Variants in TYW1B observed in about 807,000 individuals in gnomAD.
TYW1B encodes the protein S-adenosyl-L-methionine-dependent tRNA 4-demethylwyosine synthase TYW1B.
TYW1B carries 73 observed loss-of-function variants against 86.9 expected under a neutral mutation model. The observed-to-expected ratio is 0.84, with a 90% CI of 0.70 to 1.02. The LOEUF (loss-of-function observed/expected upper bound fraction) is 1.02, where lower values mean the gene tolerates loss of function less well. Ranked by LOEUF, TYW1B falls within the 50% of genes least tolerant of loss-of-function variation. The pLI, the probability that TYW1B is intolerant of heterozygous loss-of-function variation, is 0.00. For missense variants in TYW1B, 637 were observed against 827.4 expected, an observed-to-expected ratio of 0.77 and a Z score of 2.82; for synonymous variants, 248 against 292.8, an observed-to-expected ratio of 0.85 and a Z score of 1.56.
chr7:72,761,590 C>CAA (rs35579702), intron 7 of TYW1B, among the ~76,000 whole-genome samples: 177 of 139,928 alleles, frequency 1.3e-3, no homozygotes, highest in East Asian at 1.9e-3. Flanking sequence ...GACCCTGTCT[C>CAA]AAAAAAAAAA....
chr7:72,711,986 A>G (rs1786677627), intron 10 of TYW1B, among the ~76,000 whole-genome samples: 1 of 152,136 alleles, frequency 6.6e-6, no homozygotes, highest in South Asian at 2.1e-4. Context: ...TAATCGGGGA[A>G]AACACCAATA....
At chr7:72,665,738 A>G (rs577191086) in intron 11 of TYW1B, among the ~76,000 whole-genome samples, 1 of 152,290 alleles carries the variant, frequency 6.6e-6, no homozygotes, top group African/African-American at 2.4e-5. Flanking sequence ...TGTCTCTCCT[A>G]TCAGAAAACA....
chr7:72,768,283 T>C (rs1171934754), intron 7 of TYW1B, among the ~76,000 whole-genome samples: 2 of 150,916 alleles, frequency 1.3e-5, no homozygotes, highest in Admixed American at 6.6e-5. Flanking sequence ...TCCATACAGG[T>C]TGCTTAGGAG....
At chr7:72,663,487 G>A (rs1373455705) in intron 11 of TYW1B, among the ~76,000 whole-genome samples, 4 of 151,928 alleles carry the variant, frequency 2.6e-5, no homozygotes, top group African/African-American at 4.8e-5. Flanking sequence ...AGCCGGGCAC[G>A]GTGGCTCCCA....
At position 72,789,859 on chromosome 7, in the gene TYW1B, AATAAG is replaced by A. The variant is rs536509943; in HGVS notation, c.847-12331_847-12327del. ...AGATGAAACACAGTGTACAATAAAG[AATAAG>A]ATGTCTAGCCTTTGTCCCCAGCTCC... On this transcript the variant is annotated intron_variant, in intron 6 of 13. Coordinates refer to ENST00000620995, the MANE Select transcript of TYW1B (RefSeq NM_001145440.3). Among the ~76,000 whole-genome samples the A allele has an allele frequency of 3.3e-3, 509 of 151,992 alleles. 3 individuals carry two copies. The highest frequency in any genetic ancestry group is 0.012 in the African/African-American group (487 of 41,482).
chr7:72,749,321 T>C (rs1421709587), intron 7 of TYW1B, among the ~76,000 whole-genome samples: 1 of 152,178 alleles, frequency 6.6e-6, no homozygotes, highest in Non-Finnish European at 1.5e-5. Context: ...TGAGATGGTG[T>C]CTCGCTCTGT....
Position 72,810,617 on chromosome 7 carries a change from C to T in TYW1B, c.286G>A (p.Gly96Ser), listed in dbSNP as rs782007195. Residue 96 changes from glycine (G) to serine (S), a missense_variant, in exon 4 of 14, where the codon GGC becomes AGC. Gly to Ser is a moderately conservative substitution (Grantham distance 56, BLOSUM62 0). Coordinates refer to ENST00000620995, the MANE Select transcript of TYW1B (RefSeq NM_001145440.3). ...CACTCTGCACTTTCGGTTGGTAGGCCGTCAGTGTATGTCGCAACCAGGAAG... is the reference window on the plus strand; with the variant it reads ...CACTCTGCACTTTCGGTTGGTAGGCTGTCAGTGTATGTCGCAACCAGGAAG... Reference protein sequence around the residue: ...CVFLVATYTDGLPTESAEWFC... With the variant: ...CVFLVATYTDSLPTESAEWFC... 7 of 1,613,632 alleles carry T rather than the reference C, an allele frequency of 4.3e-6. No homozygotes were observed. Among genetic ancestry groups the T allele is most frequent in the East Asian group, 2.2e-5 (1 of 44,892 alleles).
intron 6 of TYW1B, among the ~76,000 whole-genome samples, chr7:72,797,368 C>T (rs370759581): frequency 6.6e-6 from 1 of 152,172 alleles, no homozygotes; most frequent in Non-Finnish European, 1.5e-5. Flanking sequence ...CTCAGTGGGG[C>T]TTCCTGGTTG....
intron 2 of TYW1B, among the ~76,000 whole-genome samples, chr7:72,817,798 C>T (rs1311722653): frequency 6.6e-6 from 1 of 152,118 alleles, no homozygotes; most frequent in Non-Finnish European, 1.5e-5. Flanking sequence ...AATTTGGTAA[C>T]ACCCCCAGGT....
chr7:72,708,638 A>G (rs1243035697), intron 10 of TYW1B, among the ~76,000 whole-genome samples: 1 of 152,178 alleles, frequency 6.6e-6, no homozygotes, highest in East Asian at 1.9e-4. Context: ...TATTTTTCTG[A>G]AAGAAACTGA....
At chr7:72,734,902 C>T (rs1384780120) in intron 8 of TYW1B, among the ~76,000 whole-genome samples, 10 of 152,114 alleles carry the variant, frequency 6.6e-5, no homozygotes, top group Admixed American at 1.3e-4. Context: ...AAATCAAAAC[C>T]GCAATGAAAT....
intron 9 of TYW1B, among the ~76,000 whole-genome samples, chr7:72,716,387 C>T (rs1391798320): frequency 6.6e-6 from 1 of 152,212 alleles, no homozygotes; most frequent in African/African-American, 2.4e-5. Flanking sequence ...TTGCTATTAC[C>T]ACCTTTATCC....
Position 72,614,257 on chromosome 7 carries a change from T to C in TYW1B, c.1785+2415A>G, listed in dbSNP as rs184446672. Among the ~76,000 whole-genome samples, 249 of 152,252 alleles carry C rather than the reference T, an allele frequency of 1.6e-3. 2 individuals carry two copies. The highest frequency in any genetic ancestry group is 5.4e-3 in the African/African-American group (225 of 41,556). ...GGCTCTGGAGTCAGATGCCAGGGCT[T>C]AAATCCCATTTCTACTCCTTACTGG... On this transcript the variant is annotated intron_variant, in intron 13 of 13. Coordinates refer to ENST00000620995, the MANE Select transcript of TYW1B (RefSeq NM_001145440.3).
At chr7:72,656,339 G>A (rs1294925485) in intron 11 of TYW1B, among the ~76,000 whole-genome samples, 1 of 152,094 alleles carries the variant, frequency 6.6e-6, no homozygotes, top group Non-Finnish European at 1.5e-5. Flanking sequence ...CCATAAAATT[G>A]GAAGAAGGGA....
At chr7:72,583,500 G>A (rs1305634292) in intron 13 of TYW1B, among the ~76,000 whole-genome samples, 25 of 152,302 alleles carry the variant, frequency 1.6e-4, no homozygotes, top group African/African-American at 5.3e-4. Context: ...GGAAATGGAG[G>A]TGTGTTTGTG....
At chr7:72,670,106 G>T (rs1813562434) in intron 11 of TYW1B, among the ~76,000 whole-genome samples, 1 of 152,146 alleles carries the variant, frequency 6.6e-6, no homozygotes, top group South Asian at 2.1e-4. Flanking sequence ...ACTCCAGCCT[G>T]GGTGACAGAA....
intron 7 of TYW1B, among the ~76,000 whole-genome samples, chr7:72,766,989 T>C (rs1787781988): frequency 6.6e-6 from 1 of 152,058 alleles, no homozygotes; most frequent in Admixed American, 6.6e-5. Context: ...CTGAAAAAGA[T>C]CTTGATCAAA....
intron 10 of TYW1B, among the ~76,000 whole-genome samples, chr7:72,706,947 G>C (rs1297745379): frequency 6.6e-6 from 1 of 152,204 alleles, no homozygotes; most frequent in East Asian, 1.9e-4. Context: ...GGAGAAAATG[G>C]ATTGCATATC....
intron 7 of TYW1B, among the ~76,000 whole-genome samples, chr7:72,752,941 G>A (rs1322595645): frequency 1.3e-5 from 2 of 152,148 alleles, no homozygotes; most frequent in Admixed American, 6.6e-5. Flanking sequence ...AATGGATGGA[G>A]TTGATGAAAA....
Sources: gnomAD v4.1 joint callset for allele counts (sites outside exome capture counted in the v4.1 genomes callset) on GRCh38, gnomAD v4.1.1 for gene constraint, MANE v1.5 for transcripts, NCBI Gene and HGNC (gene_info 2026-07-23, HGNC 2026-07-21) for gene names.